The following NPAS2 variants were observed in gnomAD, a reference collection of about 807,000 sequenced individuals.
NPAS2 encodes the protein neuronal PAS domain-containing protein 2.
In NPAS2, 23 loss-of-function variants were observed where a neutral mutation model predicts 107.5. That is an observed-to-expected ratio of 0.21 (90% confidence interval 0.15 to 0.30). The LOEUF (loss-of-function observed/expected upper bound fraction) is 0.30, where lower values mean the gene tolerates loss of function less well. Among genes scored for constraint, NPAS2 ranks in the 10% least tolerant of loss-of-function variants. NPAS2 has a pLI of 1.00. For synonymous variants in NPAS2, 403 were observed against 417.5 expected (o/e 0.97, Z 0.42); for missense variants, 756 against 1,043.3 (o/e 0.72, Z 3.79).
intron 1 of NPAS2, among the ~76,000 whole-genome samples, chr2:100,842,220 A>T (rs1677480488): frequency 6.6e-6 from 1 of 152,122 alleles, no homozygotes; most frequent in Non-Finnish European, 1.5e-5. Flanking sequence ...AAAAGCCCAG[A>T]CTCATGAGGC....
chr2:100,945,743 G>A (rs1038371976), intron 5 of NPAS2, among the ~76,000 whole-genome samples: 3 of 152,168 alleles, frequency 2.0e-5, no homozygotes, highest in African/African-American at 7.2e-5. Flanking sequence ...CCTGGCTGGA[G>A]CACCTTCCCA....
intron 1 of NPAS2, among the ~76,000 whole-genome samples, chr2:100,839,441 C>G (rs971494027): frequency 1.3e-5 from 2 of 152,022 alleles, no homozygotes; most frequent in Admixed American, 6.6e-5. Flanking sequence ...AGAATGAAGA[C>G]CTTTATCTTG....
At chr2:100,897,244 G>A (rs1681469947) in intron 1 of NPAS2, among the ~76,000 whole-genome samples, 1 of 152,092 alleles carries the variant, frequency 6.6e-6, no homozygotes, top group South Asian at 2.1e-4. Context: ...TGAGATTTCA[G>A]TGGGGACACA....
At chr2:100,986,834 C>T (rs1229638440) in intron 16 of NPAS2, 1 of 152,214 alleles carries the variant, frequency 6.6e-6, no homozygotes, top group Non-Finnish European at 1.5e-5. Context: ...TATTCATTTA[C>T]ACATTTAATT....
intron 6 of NPAS2, among the ~76,000 whole-genome samples, chr2:100,949,025 G>T (rs1466978853): frequency 2.6e-5 from 4 of 152,152 alleles, no homozygotes; most frequent in Non-Finnish European, 4.4e-5. Context: ...AAAGCAAAAA[G>T]ATTAAATTAA....
At chr2:100,934,273 C>T (rs1684164735) in intron 4 of NPAS2, 1 of 151,582 alleles carries the variant, frequency 6.6e-6, no homozygotes, top group Non-Finnish European at 1.5e-5. Flanking sequence ...AAACACATAA[C>T]CCTATAGCAG....
At chr2:100,830,268 C>T (rs1255920746) in intron 1 of NPAS2, among the ~76,000 whole-genome samples, 1 of 152,172 alleles carries the variant, frequency 6.6e-6, no homozygotes, top group Non-Finnish European at 1.5e-5. Context: ...TATTTTTTGG[C>T]ATACAAATGC....
chr2:100,978,077 G>A (rs1221348268), intron 15 of NPAS2, among the ~76,000 whole-genome samples: 1 of 151,840 alleles, frequency 6.6e-6, no homozygotes, highest in African/African-American at 2.4e-5. Context: ...GTTCTTTAGG[G>A]GTGATTTCTG....
chr2:100,841,486 C>T (rs1235351174), intron 1 of NPAS2, among the ~76,000 whole-genome samples: 1 of 152,162 alleles, frequency 6.6e-6, no homozygotes, highest in Non-Finnish European at 1.5e-5. Context: ...TATGCCCATG[C>T]CAAATATACC....
At chr2:100,825,297 T>C (rs1416730852) in intron 1 of NPAS2, among the ~76,000 whole-genome samples, 1 of 152,194 alleles carries the variant, frequency 6.6e-6, no homozygotes, top group African/African-American at 2.4e-5. Flanking sequence ...AAATTATTGG[T>C]TTTTTGTTTA....
At chr2:100,834,420 G>A (rs1278932069) in intron 1 of NPAS2, among the ~76,000 whole-genome samples, 2 of 152,172 alleles carry the variant, frequency 1.3e-5, no homozygotes, top group Non-Finnish European at 1.5e-5. Flanking sequence ...GAGAAACAAG[G>A]ACAAGGATGG....
At chr2:100,839,986 G>T (rs1275554188) in intron 1 of NPAS2, among the ~76,000 whole-genome samples, 1 of 152,152 alleles carries the variant, frequency 6.6e-6, no homozygotes, top group Non-Finnish European at 1.5e-5. Flanking sequence ...CAGAGTGCGT[G>T]AAGGCAGATT....
At chr2:100,877,539 A>G (rs1430526935) in intron 1 of NPAS2, among the ~76,000 whole-genome samples, 3 of 151,728 alleles carry the variant, frequency 2.0e-5, no homozygotes, top group Non-Finnish European at 2.9e-5. Context: ...AGTTGGAGCC[A>G]TGCAAGCATT....
chr2:100,828,855 C>T lies in NPAS2; in HGVS notation c.-23+8441C>T, dbSNP rs572733435. Among the ~76,000 whole-genome samples, 3 of 152,222 alleles carry T rather than the reference C, an allele frequency of 2.0e-5. No homozygotes were observed. In the East Asian group the frequency reaches 5.8e-4, roughly 29 times the overall value. On this transcript the variant is annotated intron_variant, in intron 1 of 20. Coordinates refer to ENST00000335681, the MANE Select transcript of NPAS2 (RefSeq NM_002518.4). ...GATGTCTCCAGCTTCGTTCTTTCTGCTTAGGATTCCTTTGGCTATTCAAGC... is the reference window on the plus strand; with the variant it reads ...GATGTCTCCAGCTTCGTTCTTTCTGTTTAGGATTCCTTTGGCTATTCAAGC...
At chr2:100,826,389 C>T (rs1293948110) in intron 1 of NPAS2, among the ~76,000 whole-genome samples, 1 of 152,116 alleles carries the variant, frequency 6.6e-6, no homozygotes, top group Non-Finnish European at 1.5e-5. Flanking sequence ...TTGAAGTGAG[C>T]CAAGATCCTG....
chr2:100,988,431 T>C (rs1193397283), intron 17 of NPAS2, 155 bp downstream of exon 17: 7 of 642,350 alleles, frequency 1.1e-5, no homozygotes, highest in Non-Finnish European at 1.4e-5. Flanking sequence ...AGCCTTCTTT[T>C]CCTTCTTCTG....
chr2:100,857,852 T>TTGGTCTCTCTTATGTC (rs1313035397), intron 1 of NPAS2, among the ~76,000 whole-genome samples: 1 of 152,258 alleles, frequency 6.6e-6, no homozygotes, highest in Admixed American at 6.5e-5. Flanking sequence ...TCTGTAACAC[T>TTGGTCTCTCTTATGTC]TGGTCTCTCT....
rs970757067 is a variant in NPAS2 at position 100,965,005 on chromosome 2, G to A, written c.800+62G>A. ...TCTCAAGTCTTGTTTGCGTGAGCCA[G>A]GCTCTCCTTGGGAGAGAAGAGTCGG... On this transcript the variant is annotated intron_variant, in intron 9 of 20. Transcript: ENST00000335681. The surrounding 1 kb of genome is among the most constrained non-coding windows in gnomAD (Gnocchi z 4.3). 9 of 1,114,416 alleles carry A rather than the reference G, an allele frequency of 8.1e-6. No homozygotes were observed. The African/African-American group carries it at 1.5e-4, about 18-fold the overall frequency. The allele number at this position is 1,114,416 out of a possible 1,614,324, so 69.0% of individuals were successfully genotyped here.
intron 12 of NPAS2, among the ~76,000 whole-genome samples, chr2:100,972,034 A>G (rs755072946): frequency 1.9e-4 from 28 of 148,332 alleles, no homozygotes; most frequent in Non-Finnish European, 3.4e-4. Flanking sequence ...TGCAAACTCC[A>G]CCTCCCAGGA....
Sources: gnomAD v4.1 joint callset for allele counts (sites outside exome capture counted in the v4.1 genomes callset) on GRCh38, gnomAD v4.1.1 for gene constraint, Gnocchi (gnomAD v3.1) non-coding constraint, MANE v1.5 for transcripts, NCBI Gene and HGNC (gene_info 2026-07-23, HGNC 2026-07-21) for gene names.